The following ZFR2 variants were observed in gnomAD, a reference collection of about 807,000 sequenced individuals.
The protein encoded by ZFR2 is zinc finger RNA binding protein 2.
A neutral mutation model predicts 105.7 loss-of-function variants in ZFR2; 104 were observed. That is an observed-to-expected ratio of 0.98 (90% CI 0.84 to 1.16). The LOEUF (loss-of-function observed/expected upper bound fraction) is 1.16. Among genes scored for constraint, ZFR2 ranks in the 50% most tolerant of loss-of-function variants. ZFR2 has a pLI of 0.00. For synonymous variants in ZFR2, 634 were observed against 597.7 expected (o/e 1.06, Z -0.89); for missense variants, 1,425 against 1,355.5 (o/e 1.05, Z -0.80).
intron 1 of ZFR2, among the ~76,000 whole-genome samples, chr19:3,861,320 T>C (rs1002751012): frequency 3.0e-4 from 45 of 152,304 alleles, no homozygotes; most frequent in African/African-American, 9.9e-4. Flanking sequence ...CTAAAAGAAA[T>C]CTGGCAACTT....
chr19:3,830,825 A>C (rs2038003505), intron 5 of ZFR2, among the ~76,000 whole-genome samples: 1 of 152,168 alleles, frequency 6.6e-6, no homozygotes, highest in African/African-American at 2.4e-5. Flanking sequence ...TTAAAATCTC[A>C]AGCTCGTGTG....
chr19:3,808,998 A>C lies in ZFR2; in HGVS notation c.2434-15T>G, dbSNP rs1336130031. The C allele has an allele frequency of 6.5e-7, 1 of 1,531,304 alleles. No individual in the cohort carries two copies. Among genetic ancestry groups the C allele is most frequent in the South Asian group, 1.2e-5 (1 of 82,694 alleles). 94.9% of individuals were successfully genotyped at this position (1,531,304 alleles called of 1,614,324 possible). On this transcript the variant is annotated splice_polypyrimidine_tract_variant and intron_variant, in intron 16 of 18. Transcript: ENST00000262961. ...AGCTCCATGGCCTGGTGGGGACAGA[A>C]GAGCAGTTGCTGTGTTTTGGGCGCG...
chr19:3,821,634 A>C (rs2037895020), intron 9 of ZFR2, among the ~76,000 whole-genome samples, 155 bp from the exon 10 acceptor site: 1 of 116,610 alleles, frequency 8.6e-6, no homozygotes, highest in Non-Finnish European at 1.7e-5. Context: ...TTTTTTCGAG[A>C]CAGAGTCTTG....
In ZFR2 at chr19:3,821,410, G is replaced by A. The variant is rs61742027; in HGVS notation, c.1561C>T (p.Arg521Cys). 46,207 of 1,611,384 alleles carry A rather than the reference G, an allele frequency of 0.029. 784 individuals carry two copies. The highest frequency in any genetic ancestry group is 0.033 in the Non-Finnish European group (38,853 of 1,179,070). The change falls in exon 10 of 19, where the codon CGC (arginine) becomes TGC (cysteine). Residue 521 changes from arginine to cysteine, a missense_variant. By Grantham distance (180) the Arg-to-Cys change is radical. Coordinates refer to ENST00000262961, the MANE Select transcript of ZFR2 (RefSeq NM_015174.2). ...GCCAGGTGCCGCTGCTTCCTCATGC[G>A]CTCCTCCAGGACCTTCCGAGCCCGG... is the stretch of plus-strand genomic sequence containing the variant. The part of the protein sequence containing the change: ...SSRARKVLEE[R>C]MRKQRHLAEE...
At chr19:3,844,047 G>A (rs1179571532) in intron 1 of ZFR2, among the ~76,000 whole-genome samples, 1 of 150,942 alleles carries the variant, frequency 6.6e-6, no homozygotes, top group Non-Finnish European at 1.5e-5. Flanking sequence ...GGGAGGGGAA[G>A]GGGAGTGAGT....
At chr19:3,868,148 C>G (rs1310524526) in intron 1 of ZFR2, among the ~76,000 whole-genome samples, 2 of 149,864 alleles carry the variant, frequency 1.3e-5, no homozygotes, top group African/African-American at 4.9e-5. Flanking sequence ...CAGCTCCGCT[C>G]TAGCTCTCCC....
rs567047202 is a variant in ZFR2, at chr19:3,818,373, G to A, written c.1931+672C>T. Among the ~76,000 whole-genome samples, 173 of 152,256 alleles carry A rather than the reference G, an allele frequency of 1.1e-3. 1 individual carries two copies. Among genetic ancestry groups the A allele is most frequent in the Admixed American group, 3.7e-3 (57 of 15,290 alleles). Reference sequence around the variant, plus strand: ...TCCCAGCTACTCGGGAGGCTGAGGCGGGAGGACAGCTTGAGCCCGGGGGTC... The same window carrying A: ...TCCCAGCTACTCGGGAGGCTGAGGCAGGAGGACAGCTTGAGCCCGGGGGTC... On this transcript the variant is annotated intron_variant, in intron 12 of 18. Transcript: ENST00000262961.
chr19:3,832,635 TTTTTTA>T (rs2038031323), intron 3 of ZFR2, among the ~76,000 whole-genome samples: 7 of 145,742 alleles, frequency 4.8e-5, no homozygotes, highest in African/African-American at 8.2e-5. Context: ...TTTGTTTTTT[TTTTTTA>T]TTTTTTATTT....
chr19:3,814,059 G>T, intron 13 of ZFR2, 101 bp from the exon 14 acceptor site: 1 of 1,519,646 alleles, frequency 6.6e-7, no homozygotes, highest in Non-Finnish European at 8.9e-7. Flanking sequence ...ATCCCGTCGG[G>T]CCTCCCACAC....
chr19:3,848,289 G>A (rs375536789), intron 1 of ZFR2, among the ~76,000 whole-genome samples: 2,376 of 151,644 alleles, frequency 0.016, 30 homozygotes, highest in Middle Eastern at 0.028. Flanking sequence ...GCGGGCGCCC[G>A]TAATCCCAGC....
At position 3,858,812 on chromosome 19, in the gene ZFR2, C is replaced by T. The variant is rs750369485; in HGVS notation, c.53+10153G>A. Reference sequence around the variant, plus strand: ...CAGCCTGGGCGACAGAGTGAGACTCCGTCTCAAAAAGAAAAAACTAAAATA... The same window carrying T: ...CAGCCTGGGCGACAGAGTGAGACTCTGTCTCAAAAAGAAAAAACTAAAATA... On this transcript the variant is annotated intron_variant, in intron 1 of 18. Transcript: ENST00000262961. The surrounding 1 kb of genome is among the most constrained non-coding windows in gnomAD (Gnocchi z 4.3). Among the ~76,000 whole-genome samples the T allele has an allele frequency of 7.2e-5, 11 of 152,096 alleles. No individual in the cohort carries two copies. The highest frequency in any genetic ancestry group is 1.5e-4 in the Non-Finnish European group (10 of 68,016).
At chr19:3,865,545 G>A (rs1203970829) in intron 1 of ZFR2, among the ~76,000 whole-genome samples, 1 of 151,740 alleles carries the variant, frequency 6.6e-6, no homozygotes. Context: ...GAGATGGGGG[G>A]AAAGGTCTCA....
chr19:3,833,673 C>T lies in ZFR2; in HGVS notation c.370G>A (p.Gly124Ser), dbSNP rs781159390. The change falls in exon 3 of 19, where the codon GGC (glycine) becomes AGC (serine). Residue 124 changes from glycine (G) to serine (S), a missense_variant. By Grantham distance (56) the Gly-to-Ser change is moderately conservative (BLOSUM62 0). Transcript: ENST00000262961. ...CCTGCAGATGGCTCACCTGGCTGGC[C>T]GGAGTCTGCGGCTGTCATGCGCCCA... ...QSGRMTAADS[G>S]QPGTQEACGQ... is the part of the protein sequence containing the mutation. 2.3e-5 allele frequency: 36 copies of T among 1,559,736 alleles called. No homozygotes were observed. The highest frequency in any genetic ancestry group is 9.5e-5 in the African/African-American group (7 of 73,694).
At chr19:3,832,808 T>C (rs2038033469) in intron 3 of ZFR2, among the ~76,000 whole-genome samples, 6 of 151,776 alleles carry the variant, frequency 4.0e-5, no homozygotes, top group Admixed American at 3.9e-4. Context: ...GCTAATTTTT[T>C]TGCATTTTTT....
At chr19:3,868,130 A>G (rs1005025024) in intron 1 of ZFR2, among the ~76,000 whole-genome samples, 11 of 132,116 alleles carry the variant, frequency 8.3e-5, no homozygotes, top group African/African-American at 3.2e-4. Flanking sequence ...CCTACCAGCA[A>G]TCGGGGTCAG....
intron 1 of ZFR2, among the ~76,000 whole-genome samples, chr19:3,862,788 T>A (rs557096474): frequency 5.3e-5 from 8 of 152,310 alleles, no homozygotes; most frequent in African/African-American, 1.9e-4. Context: ...TCTAAGGAGT[T>A]CAGCCCCTAA....
intron 1 of ZFR2, among the ~76,000 whole-genome samples, chr19:3,866,520 C>T (rs1456872734): frequency 6.6e-6 from 1 of 151,586 alleles, no homozygotes; most frequent in African/African-American, 2.4e-5. Context: ...TGTATAAGCA[C>T]GTTAATTCAA....
intron 1 of ZFR2, among the ~76,000 whole-genome samples, chr19:3,859,579 T>G (rs561890243): frequency 6.6e-6 from 1 of 152,332 alleles, no homozygotes; most frequent in African/African-American, 2.4e-5. Context: ...GTTCTGACCT[T>G]GGCGCGGTGG....
In ZFR2 at chr19:3,822,219, G is replaced by A. The variant is rs201963078; in HGVS notation, c.1372-19C>T. On this transcript the variant is annotated intron_variant, in intron 8 of 18. Transcript: ENST00000262961. ...TGAACACCTGAGACACAGAACAGCC[G>A]CACGCGCACCAGGCACGAGGCGGGG... 8.4e-5 allele frequency: 132 copies of A among 1,566,426 alleles called. No individual in the cohort carries two copies. The highest frequency in any genetic ancestry group is 1.1e-4 in the Non-Finnish European group (123 of 1,154,748).
Sources: allele counts gnomAD v4.1 joint callset (sites outside exome capture counted in the v4.1 genomes callset), GRCh38; gene constraint gnomAD v4.1.1; non-coding constraint Gnocchi (gnomAD v3.1); transcripts MANE v1.5; gene names NCBI Gene and HGNC (gene_info 2026-07-23, HGNC 2026-07-21).